The following BICRA variants were observed in gnomAD, a reference collection of about 807,000 sequenced individuals.
BICRA encodes the protein BRD4-interacting chromatin-remodeling complex-associated protein.
BICRA carries 31 observed loss-of-function variants against 96.9 expected under a neutral mutation model. That is an observed-to-expected ratio of 0.32 (90% confidence interval 0.24 to 0.43). The LOEUF (loss-of-function observed/expected upper bound fraction) is 0.43. Among genes scored for constraint, BICRA ranks in the 20% least tolerant of loss-of-function variants. BICRA has a pLI of 1.00. For missense variants in BICRA, 2,283 were observed against 2,190.3 expected (o/e 1.04, Z -0.84); for synonymous variants, 1,350 against 1,071.8 (o/e 1.26, Z -5.07).
rs753389354 is a variant in BICRA at position 47,680,146 on chromosome 19, G to A, written c.976G>A (p.Ala326Thr). 19 of 1,526,092 alleles carry A rather than the reference G, an allele frequency of 1.2e-5. No individual in the cohort carries two copies. The highest frequency in any genetic ancestry group is 1.1e-4 in the South Asian group (9 of 81,748). The allele number at this position is 1,526,092 out of a possible 1,614,324, so 94.5% of individuals were successfully genotyped here. A position where few individuals can be genotyped will look rare whatever the true frequency, so the allele number is the denominator to read the frequency against. ...PTGTPSGQPL[A>T]VAPGLGSSPL... ...CGGGACGCCCTCGGGACAGCCGCTG[G>A]CGGTGGCCCCAGGCCTCGGCTCGTC... Residue 326 changes from alanine (A) to threonine (T), a missense_variant, in exon 6 of 15, where the codon GCG becomes ACG. Coordinates refer to ENST00000594866, the MANE Select transcript of BICRA (RefSeq NM_001394372.1).
rs1568580344 is a variant in BICRA, at chr19:47,699,457, C to T, written c.3595+52C>T. 2 of 1,038,134 alleles carry T rather than the reference C, an allele frequency of 1.9e-6. No homozygotes were observed. The highest frequency in any genetic ancestry group is 2.9e-6 in the Non-Finnish European group (2 of 679,886). 64.3% of individuals were successfully genotyped at this position (1,038,134 alleles called of 1,614,324 possible). On this transcript the variant is annotated intron_variant, in intron 14 of 14. Transcript: ENST00000594866. The surrounding 1 kb of genome is among the most constrained non-coding windows in gnomAD (Gnocchi z 5.0). The stretch of plus-strand genomic sequence containing the variant: ...GGAGGGAGAGGTGCCCCCACCCCAC[C>T]TGGGCAGAAGAGTTAGATTCAGGGC...
At chr19:47,629,345 C>G (rs1394159274) in intron 1 of BICRA, among the ~76,000 whole-genome samples, 1 of 152,190 alleles carries the variant, frequency 6.6e-6, no homozygotes, top group African/African-American at 2.4e-5. Context: ...CCCCCCATCC[C>G]CAGTCCCTAG....
intron 1 of BICRA, among the ~76,000 whole-genome samples, chr19:47,641,070 A>ATTTTTTT (rs71180861): frequency 3.1e-4 from 32 of 104,516 alleles, no homozygotes; most frequent in African/African-American, 5.1e-4. Flanking sequence ...TGCCTGGCTA[A>ATTTTTTT]TTTTTTTTTT....
chr19:47,690,524 G>C (rs1474491023), intron 7 of BICRA, among the ~76,000 whole-genome samples: 1 of 152,112 alleles, frequency 6.6e-6, no homozygotes, highest in East Asian at 1.9e-4. Context: ...GTGGTAAATG[G>C]TACCCTAGGG....
chr19:47,695,342 T>TCGGGGGGGGCGCCCCCCC, intron 9 of BICRA, 23 bp from the exon 10 acceptor site: 1 of 630,200 alleles, frequency 1.6e-6, no homozygotes, highest in Non-Finnish European at 2.8e-6. Flanking sequence ...AGGCCCTGTC[T>TCGGGGGGGGCGCCCCCCC]CCCCCACCCC....
intron 1 of BICRA, among the ~76,000 whole-genome samples, chr19:47,650,833 T>C (rs2123548096): frequency 6.6e-6 from 1 of 152,228 alleles, no homozygotes; most frequent in Middle Eastern, 3.4e-3. Flanking sequence ...GGAAGGAGCA[T>C]GTGTGAGGGC....
chr19:47,624,042 G>A (rs1264890870), intron 1 of BICRA, among the ~76,000 whole-genome samples: 3 of 151,942 alleles, frequency 2.0e-5, no homozygotes, highest in African/African-American at 4.8e-5. Flanking sequence ...GTAGCGTCGG[G>A]GTTTCTCCAT....
intron 11 of BICRA, among the ~76,000 whole-genome samples, 158 bp downstream of exon 11, chr19:47,696,670 C>T (rs973977839): frequency 7.9e-5 from 12 of 152,224 alleles, no homozygotes; most frequent in African/African-American, 2.4e-4. Context: ...CCCTCAGTTT[C>T]CCCCTCTGGA....
intron 1 of BICRA, among the ~76,000 whole-genome samples, chr19:47,623,185 C>T (rs902809603): frequency 1.3e-5 from 2 of 152,106 alleles, no homozygotes; most frequent in Non-Finnish European, 1.5e-5. Context: ...TCCCCGTCAG[C>T]GACCTCCTGT....
At chr19:47,673,898 G>A (rs1599842163) in intron 4 of BICRA, 136 bp downstream of exon 4, 6 of 768,588 alleles carry the variant, frequency 7.8e-6, no homozygotes, top group South Asian at 2.9e-5. Flanking sequence ...CTGGAGTTAC[G>A]GCCATGAGCA....
chr19:47,657,239 C>T (rs1343393528), intron 1 of BICRA, among the ~76,000 whole-genome samples: 1 of 152,146 alleles, frequency 6.6e-6, no homozygotes, highest in Non-Finnish European at 1.5e-5. Flanking sequence ...CAGCATGATC[C>T]ATTTAAGACC....
chr19:47,612,405 C>A (rs1174617113), intron 1 of BICRA, among the ~76,000 whole-genome samples: 11 of 150,080 alleles, frequency 7.3e-5, no homozygotes, highest in Admixed American at 6.6e-5. Context: ...AAGAGTGAGA[C>A]CCTGTCTCAA....
At chr19:47,653,131 C>T (rs1972565492) in intron 1 of BICRA, among the ~76,000 whole-genome samples, 2 of 151,336 alleles carry the variant, frequency 1.3e-5, no homozygotes, top group Admixed American at 1.3e-4. Context: ...TCAAGCGATC[C>T]TCCGACCTCA....
intron 1 of BICRA, among the ~76,000 whole-genome samples, chr19:47,633,449 C>T (rs1242638649): frequency 2.0e-5 from 3 of 152,056 alleles, no homozygotes; most frequent in Non-Finnish European, 4.4e-5. Flanking sequence ...CAGTATTCCT[C>T]CCCTCAGCCT....
chr19:47,677,197 C>G (rs1323452280), intron 5 of BICRA, among the ~76,000 whole-genome samples: 1 of 152,172 alleles, frequency 6.6e-6, no homozygotes, highest in East Asian at 1.9e-4. Context: ...GAGCACCTGC[C>G]AGGGGCCGGG....
chr19:47,679,228 CCT>C (rs1427337925), intron 5 of BICRA, 91 bp from the exon 6 acceptor site: 1 of 889,654 alleles, frequency 1.1e-6, no homozygotes, highest in Non-Finnish European at 1.6e-6. Flanking sequence ...ACGTGGCTGC[CCT>C]GTCACCTCAG....
At chr19:47,624,389 T>A (rs1458800316) in intron 1 of BICRA, among the ~76,000 whole-genome samples, 1 of 152,150 alleles carries the variant, frequency 6.6e-6, no homozygotes, top group Non-Finnish European at 1.5e-5. Context: ...AGTATCACAA[T>A]AGAGCGAGCC....
intron 7 of BICRA, among the ~76,000 whole-genome samples, chr19:47,688,586 C>T (rs181040626): frequency 1.4e-4 from 21 of 151,994 alleles, no homozygotes; most frequent in South Asian, 4.2e-4. Context: ...GTCAAGATAT[C>T]GAGACCATCC....
chr19:47,612,660 G>C (rs1971926268), intron 1 of BICRA, among the ~76,000 whole-genome samples: 2 of 149,540 alleles, frequency 1.3e-5, no homozygotes, highest in African/African-American at 4.9e-5. Context: ...ACGGAGAGGG[G>C]CTGGACCCAG....
Sources: gnomAD v4.1 joint callset for allele counts (sites outside exome capture counted in the v4.1 genomes callset) on GRCh38, gnomAD v4.1.1 for gene constraint, Gnocchi (gnomAD v3.1) non-coding constraint, MANE v1.5 for transcripts, NCBI Gene and HGNC (gene_info 2026-07-23, HGNC 2026-07-21) for gene names.